The following COX7B2 variants were observed in gnomAD, a reference collection of about 807,000 sequenced individuals.
COX7B2 encodes cytochrome c oxidase subunit 7B2, mitochondrial.
For synonymous variants in COX7B2, 37 were observed against 32.1 expected (o/e 1.15, Z -0.51); for missense variants, 109 against 95.9 (o/e 1.14, Z -0.57).
chr4:46,753,200 T>A (rs1176376240), intron 2 of COX7B2, among the ~76,000 whole-genome samples: 3 of 152,218 alleles, frequency 2.0e-5, no homozygotes, highest in Non-Finnish European at 4.4e-5. Flanking sequence ...CTAGTTTATT[T>A]GTGTAGAGGT....
intron 2 of COX7B2, among the ~76,000 whole-genome samples, chr4:46,803,337 CTCTAGAAACAGGGTTGCCA>C (rs1341260635): frequency 6.6e-6 from 1 of 152,010 alleles, no homozygotes; most frequent in Non-Finnish European, 1.5e-5. Context: ...TTATGTTGCC[CTCTAGAAACAGGGTTGCCA>C]GATAAAAAAT....
chr4:46,836,805 T>C (rs778922264), intron 2 of COX7B2, among the ~76,000 whole-genome samples: 1 of 152,126 alleles, frequency 6.6e-6, no homozygotes. Context: ...ACATTATGAC[T>C]GTTACAATGT....
intron 2 of COX7B2, among the ~76,000 whole-genome samples, chr4:46,769,593 A>G (rs926385624): frequency 6.6e-6 from 1 of 152,052 alleles, no homozygotes; most frequent in Non-Finnish European, 1.5e-5. Flanking sequence ...TGGCATGTGC[A>G]TGTAATGCCA....
At chr4:46,883,057 GAAAT>G (rs1445977296) in intron 1 of COX7B2, among the ~76,000 whole-genome samples, 2 of 152,008 alleles carry the variant, frequency 1.3e-5, no homozygotes, top group Admixed American at 6.6e-5. Flanking sequence ...TAGGCAATGA[GAAAT>G]AAAATCTCCA....
chr4:46,867,884 C>T (rs1717766752), intron 1 of COX7B2, among the ~76,000 whole-genome samples: 1 of 152,172 alleles, frequency 6.6e-6, no homozygotes, highest in South Asian at 2.1e-4. Flanking sequence ...ATTACACTGG[C>T]TTCACAGAAA....
Position 46,796,392 on chromosome 4 carries a change from A to T in COX7B2, c.-50+48568T>A, listed in dbSNP as rs565971952. Among the ~76,000 whole-genome samples the T allele has an allele frequency of 2.7e-5, 4 of 147,188 alleles. No individual in the cohort carries two copies. The South Asian group carries it at 8.5e-4, about 31-fold the overall frequency. Reference sequence around the variant, plus strand: ...AAATGCAAATCAAAACCACTATGAGATATCATCTCACACCGGTTAGAATGG... The same window carrying T: ...AAATGCAAATCAAAACCACTATGAGTTATCATCTCACACCGGTTAGAATGG... On this transcript the variant is annotated intron_variant, in intron 2 of 2. Coordinates refer to ENST00000355591, the MANE Select transcript of COX7B2 (RefSeq NM_130902.3).
At chr4:46,786,240 T>C (rs1262799258) in intron 2 of COX7B2, among the ~76,000 whole-genome samples, 1 of 152,204 alleles carries the variant, frequency 6.6e-6, no homozygotes, top group African/African-American at 2.4e-5. Context: ...CTTTTGCACC[T>C]AAAATATATT....
intron 1 of COX7B2, among the ~76,000 whole-genome samples, chr4:46,865,836 A>G (rs529600326): frequency 6.6e-6 from 1 of 152,310 alleles, no homozygotes; most frequent in Admixed American, 6.5e-5. Context: ...GCACATCTGG[A>G]AAATCTCACG....
At chr4:46,903,330 A>C (rs534228775) in intron 1 of COX7B2, among the ~76,000 whole-genome samples, 23 of 152,326 alleles carry the variant, frequency 1.5e-4, no homozygotes, top group South Asian at 2.1e-4. Context: ...TGGAATGGGC[A>C]TACAGTCATG....
chr4:46,874,870 C>T (rs935756250), intron 1 of COX7B2, among the ~76,000 whole-genome samples: 1 of 152,114 alleles, frequency 6.6e-6, no homozygotes, highest in Non-Finnish European at 1.5e-5. Context: ...TGTACATAGA[C>T]GTATAATCAT....
intron 1 of COX7B2, among the ~76,000 whole-genome samples, chr4:46,882,867 G>A (rs1395208116): frequency 6.6e-6 from 1 of 151,954 alleles, no homozygotes; most frequent in African/African-American, 2.4e-5. Flanking sequence ...TCCACCATAC[G>A]TGAATTTAAG....
At chr4:46,754,636 C>G (rs1715641028) in intron 2 of COX7B2, among the ~76,000 whole-genome samples, 1 of 147,210 alleles carries the variant, frequency 6.8e-6, no homozygotes, top group South Asian at 2.2e-4. Context: ...GGCATGTATG[C>G]ATATGTAACA....
chr4:46,785,738 G>C (rs770888496), intron 2 of COX7B2, among the ~76,000 whole-genome samples: 3 of 152,108 alleles, frequency 2.0e-5, no homozygotes, highest in Admixed American at 6.6e-5. Context: ...GTGGACAGGG[G>C]ACAGGAGATC....
At chr4:46,737,671 CATAAA>C (rs1714446559) in intron 2 of COX7B2, among the ~76,000 whole-genome samples, 1 of 152,016 alleles carries the variant, frequency 6.6e-6, no homozygotes, top group Non-Finnish European at 1.5e-5. Context: ...GAAGTAGAAA[CATAAA>C]ATAATTCTTT....
intron 2 of COX7B2, among the ~76,000 whole-genome samples, chr4:46,804,270 C>T (rs1230221418): frequency 6.6e-6 from 1 of 152,136 alleles, no homozygotes; most frequent in Non-Finnish European, 1.5e-5. Context: ...CAAGACTTAC[C>T]GCAAAGAGCG....
At chr4:46,796,459 T>G (rs1718352817) in intron 2 of COX7B2, among the ~76,000 whole-genome samples, 2 of 132,728 alleles carry the variant, frequency 1.5e-5, no homozygotes, top group Admixed American at 1.5e-4. Flanking sequence ...CTGGAGAGGA[T>G]GCGGAGAAAT....
At chr4:46,867,893 A>C (rs986927806) in intron 1 of COX7B2, among the ~76,000 whole-genome samples, 1 of 152,186 alleles carries the variant, frequency 6.6e-6, no homozygotes, top group Non-Finnish European at 1.5e-5. Context: ...GCTTCACAGA[A>C]AGAGTTGGGG....
intron 2 of COX7B2, among the ~76,000 whole-genome samples, chr4:46,742,432 A>G (rs1465038775): frequency 6.6e-6 from 1 of 152,200 alleles, no homozygotes; most frequent in Non-Finnish European, 1.5e-5. Context: ...GTAGGGATTA[A>G]GTGTACACGG....
chr4:46,861,352 G>A (rs1372622077), intron 1 of COX7B2, among the ~76,000 whole-genome samples: 1 of 152,112 alleles, frequency 6.6e-6, no homozygotes, highest in Non-Finnish European at 1.5e-5. Context: ...GACTATTCTT[G>A]AGAAAAAGTA....
Sources: allele counts gnomAD v4.1 joint callset (sites outside exome capture counted in the v4.1 genomes callset), GRCh38; gene constraint gnomAD v4.1.1; transcripts MANE v1.5; gene names NCBI Gene and HGNC (gene_info 2026-07-23, HGNC 2026-07-21).